The following CIB1 variants were observed in gnomAD, a reference collection of about 807,000 sequenced individuals.
The protein encoded by CIB1 is calcium and integrin binding 1, also known as calcium and integrin-binding protein 1.
Under a neutral mutation model 25.0 loss-of-function variants are expected in CIB1, and 19 were observed. The observed-to-expected ratio is 0.76, with a 90% confidence interval of 0.53 to 1.12. The LOEUF (loss-of-function observed/expected upper bound fraction) is 1.12. Ranked by LOEUF, CIB1 falls within the 50% of genes most tolerant of loss-of-function variation. The probability of loss-of-function intolerance (pLI) is 0.00; values close to 1 mark genes in which losing one functional copy is unlikely to be tolerated. For missense variants in CIB1, 236 were observed against 242.6 expected (o/e 0.97, Z 0.18); for synonymous variants, 104 against 98.5 (o/e 1.06, Z -0.33).
Position 90,232,306 on chromosome 15 carries a change from C to T in CIB1, c.108G>A (p.Glu36=). Residue 36 remains glutamate, a synonymous_variant, in exon 3 of 7, where the codon GAG becomes GAA. Transcript: ENST00000328649. Reference sequence around the variant, plus strand: ...CGCTCCGCTGCTCCTGGGGAAGCAGCTCACAAAACCGCCTGTGGGCTCTGG... The same window carrying T: ...CGCTCCGCTGCTCCTGGGGAAGCAGTTCACAAAACCGCCTGTGGGCTCTGG... ...EILLAHRRFC[E]LLPQEQRSVE... is the part of the protein sequence containing the mutation. The T allele has an allele frequency of 6.2e-7, 1 of 1,610,138 alleles. No individual in the cohort carries two copies. Among genetic ancestry groups the T allele is most frequent in the African/African-American group, 1.3e-5 (1 of 75,026 alleles).
At chr15:90,245,646 A>G in the CIB1 span, 1 of 152,088 alleles carries the variant, frequency 6.6e-6, no homozygotes, top group African/African-American at 2.4e-5. Flanking sequence ...GGGAGTTCGG[A>G]TGACCATTAC....
chr15:90,260,621 G>A, the CIB1 span, among the ~76,000 whole-genome samples: 1 of 152,160 alleles, frequency 6.6e-6, no homozygotes, highest in Non-Finnish European at 1.5e-5. Context: ...GGGAGGCTGA[G>A]GTGGGCGGAT....
chr15:90,248,375 A>C, the CIB1 span, among the ~76,000 whole-genome samples: 1 of 152,210 alleles, frequency 6.6e-6, no homozygotes, highest in Non-Finnish European at 1.5e-5. Flanking sequence ...TTATCTTTAT[A>C]GACAATTAAC....
At position 90,233,699 on chromosome 15, in the gene CIB1, A is replaced by G; in HGVS notation, c.56T>C (p.Leu19Ser). 1 of 1,575,044 alleles carries G rather than the reference A, an allele frequency of 6.3e-7. No homozygotes were observed. The highest frequency in any genetic ancestry group is 1.2e-5 in the South Asian group (1 of 85,932). The change falls in exon 2 of 7, where the codon TTG becomes TCG. Residue 19 changes from leucine to serine, a missense_variant. By Grantham distance (145) the Leu-to-Ser change is moderately radical. Transcript: ENST00000328649. ...SKELLAEYQD[L>S]TFLTKQEILL... ...GATCTCCTGCTTCGTCAGGAACGTC[A>G]AGTCCTGGAAGGCAAAGCCAGAGCG... is the stretch of plus-strand genomic sequence containing the variant.
chr15:90,249,841 TCTTAGCCATCGGGTGC>T, the CIB1 span: 1 of 152,088 alleles, frequency 6.6e-6, no homozygotes, highest in Non-Finnish European at 1.5e-5. Context: ...GCCCAAAGGG[TCTTAGCCATCGGGTGC>T]CTGTCCCTAG....
chr15:90,250,885 C>A, the CIB1 span: 115 of 1,613,414 alleles, frequency 7.1e-5, no homozygotes, highest in Non-Finnish European at 9.7e-5. Context: ...GGCGGAAACG[C>A]AGGTAACTAT....
At chr15:90,262,529 C>T in the CIB1 span, 1 of 1,525,206 alleles carries the variant, frequency 6.6e-7, no homozygotes, top group Non-Finnish European at 8.7e-7. Context: ...GCAGGAACAG[C>T]AGGAGACCTC....
the CIB1 span, chr15:90,257,509 G>A: frequency 9.9e-7 from 1 of 1,010,334 alleles, no homozygotes; most frequent in Non-Finnish European, 1.5e-6. Flanking sequence ...TAGAATAGCA[G>A]TCCTCTGGTG....
chr15:90,248,718 CAAAAAAAAAAAAAAAAAAAAAAAAAA>C, the CIB1 span, among the ~76,000 whole-genome samples: 10 of 27,790 alleles, frequency 3.6e-4, no homozygotes, highest in East Asian at 8.8e-4. Context: ...GACCCTGTCT[CAAAAAAAAAAAAAAAAAAAAAAAAAA>C]AAAAAAAAAA....
At chr15:90,230,890 C>T (rs774066774) in intron 6 of CIB1, 44 bp downstream of exon 6, 15 of 1,515,100 alleles carry the variant, frequency 9.9e-6, no homozygotes, top group African/African-American at 2.7e-5. Context: ...GGCAGCAGGT[C>T]GGAACCTGCA....
the CIB1 span, chr15:90,263,531 G>T: frequency 1.8e-6 from 1 of 550,712 alleles, no homozygotes; most frequent in Non-Finnish European, 3.2e-6. Flanking sequence ...TAAGTAAACA[G>T]ATTTGGGCCA....
At chr15:90,259,074 A>C in the CIB1 span, 1 of 1,464,936 alleles carries the variant, frequency 6.8e-7, no homozygotes, top group Non-Finnish European at 9.1e-7. Context: ...CATTAAAAAA[A>C]TCACAGGACC....
chr15:90,254,947 A>G, the CIB1 span, among the ~76,000 whole-genome samples: 1 of 152,208 alleles, frequency 6.6e-6, no homozygotes, highest in Non-Finnish European at 1.5e-5. Context: ...TTATAGTATT[A>G]CCCCATTAAA....
At chr15:90,234,608 T>C (rs977913866), upstream of CIB1, 7 of 151,984 alleles carry the variant, frequency 4.6e-5, no homozygotes, top group African/African-American at 4.8e-5. Flanking sequence ...TAGGTTCCCA[T>C]TTTACAAAGA....
Position 90,232,136 on chromosome 15 carries a change from C to T in CIB1, c.195+83G>A. On this transcript the variant is annotated intron_variant, in intron 3 of 6. Transcript: ENST00000328649. ...AGTGGGGACCAGTGACCCCATGATC[C>T]CAAAGCTAGTGGCAGATGGAGTTAG... 2.7e-6 allele frequency: 3 copies of T among 1,123,876 alleles called. No individual in the cohort carries two copies. The East Asian group carries it at 7.3e-5, about 27-fold the overall frequency. 69.6% of individuals were successfully genotyped at this position (1,123,876 alleles called of 1,614,324 possible).
At position 90,233,715 on chromosome 15, in the gene CIB1, A is replaced by AT; in HGVS notation, c.52-13_52-12insA. 1 of 1,570,102 alleles carries AT rather than the reference A, an allele frequency of 6.4e-7. No individual in the cohort carries two copies. Among genetic ancestry groups the AT allele is most frequent in the African/African-American group, 1.4e-5 (1 of 74,014 alleles). ...AGGAACGTCAAGTCCTGGAAGGCAA[A>AT]GCCAGAGCGGGGATTAGCGGACCGC... On this transcript the variant is annotated splice_polypyrimidine_tract_variant and intron_variant, in intron 1 of 6. Coordinates refer to ENST00000328649, the MANE Select transcript of CIB1 (RefSeq NM_006384.4).
the CIB1 span, among the ~76,000 whole-genome samples, chr15:90,246,976 CT>C: frequency 0.014 from 1,998 of 144,560 alleles, 46 homozygotes; most frequent in African/African-American, 0.045. Context: ...TCTTTCTTTC[CT>C]TTTTTTTTTT....
chr15:90,235,419 A>T (rs12912675), upstream of CIB1, among the ~76,000 whole-genome samples: 25,583 of 152,076 alleles, frequency 0.17, 2,396 homozygotes, highest in African/African-American at 0.24. Context: ...TACAAAAATT[A>T]GCCAGACATG....
At chr15:90,233,614 G>T in intron 2 of CIB1, 55 bp downstream of exon 2, 1 of 1,549,866 alleles carries the variant, frequency 6.5e-7, no homozygotes, top group South Asian at 1.2e-5. Context: ...CAGCGCCCCC[G>T]AAGCTGTCTC....
Sources: gnomAD v4.1 joint callset for allele counts (sites outside exome capture counted in the v4.1 genomes callset) on GRCh38, gnomAD v4.1.1 for gene constraint, MANE v1.5 for transcripts, NCBI Gene and HGNC (gene_info 2026-07-23, HGNC 2026-07-21) for gene names.